The following CHCHD3 variants were observed in gnomAD, a reference collection of about 807,000 sequenced individuals.
The protein encoded by CHCHD3 is MICOS complex subunit MIC19.
A neutral mutation model predicts 38.2 loss-of-function variants in CHCHD3; 20 were observed. The observed-to-expected ratio is 0.52, with a 90% CI of 0.37 to 0.76. The LOEUF (loss-of-function observed/expected upper bound fraction) is 0.76, where lower values mean the gene tolerates loss of function less well. Ranked by LOEUF, CHCHD3 falls within the 30% of genes least tolerant of loss-of-function variation. The pLI is 0.00. For synonymous variants in CHCHD3, 82 were observed against 100.0 expected (o/e 0.82, Z 1.07); for missense variants, 245 against 279.2 (o/e 0.88, Z 0.87).
At chr7:133,046,746 G>A (rs549197370) in intron 2 of CHCHD3, among the ~76,000 whole-genome samples, 1 of 152,212 alleles carries the variant, frequency 6.6e-6, no homozygotes, top group African/African-American at 2.4e-5. Context: ...GTGTTTTTTA[G>A]TAGAGACAGG....
In CHCHD3 at chr7:132,796,490, G is replaced by A; in HGVS notation, c.612C>T (p.Cys204=). 10 of 1,613,936 alleles carry A rather than the reference G, an allele frequency of 6.2e-6. No homozygotes were observed. The highest frequency in any genetic ancestry group is 8.5e-6 in the Non-Finnish European group (10 of 1,179,896). Residue 204 remains cysteine, a synonymous_variant, in exon 7 of 8, where the codon TGC becomes TGT. Transcript: ENST00000262570. ...GCATATACTGGGTGGCCAGAGCGGAGCATTTGAGGGTCTGGTGGGTGTTCT... is the reference window on the plus strand; with the variant it reads ...GCATATACTGGGTGGCCAGAGCGGAACATTTGAGGGTCTGGTGGGTGTTCT... ...YRENTHQTLK[C]SALATQYMHC...
At chr7:132,844,966 G>A (rs1328779543) in intron 5 of CHCHD3, 1 of 152,184 alleles carries the variant, frequency 6.6e-6, no homozygotes, top group Non-Finnish European at 1.5e-5. Context: ...AAACTGTGTG[G>A]GGAGACTGAA....
At chr7:132,929,857 A>G (rs1562911512) in intron 4 of CHCHD3, among the ~76,000 whole-genome samples, 1 of 152,152 alleles carries the variant, frequency 6.6e-6, no homozygotes, top group Non-Finnish European at 1.5e-5. Context: ...TCAGCTTAAC[A>G]TATGAAAGTC....
At chr7:133,030,099 A>G (rs1448113406) in intron 2 of CHCHD3, among the ~76,000 whole-genome samples, 3 of 152,248 alleles carry the variant, frequency 2.0e-5, no homozygotes, top group Non-Finnish European at 4.4e-5. Context: ...AGAAGTTAAA[A>G]TAACAGAAAA....
chr7:132,924,167 G>GT (rs1810321481), intron 4 of CHCHD3, among the ~76,000 whole-genome samples: 1 of 152,168 alleles, frequency 6.6e-6, no homozygotes, highest in Non-Finnish European at 1.5e-5. Flanking sequence ...AGTCAGAAGG[G>GT]TAAGATTAGG....
chr7:133,075,724 G>A (rs542700247), intron 1 of CHCHD3, among the ~76,000 whole-genome samples: 4 of 152,172 alleles, frequency 2.6e-5, no homozygotes, highest in Non-Finnish European at 5.9e-5. Flanking sequence ...AATGGGGGTC[G>A]ATAGTACAAC....
chr7:132,970,757 C>T (rs1811592707), intron 4 of CHCHD3, among the ~76,000 whole-genome samples: 1 of 151,496 alleles, frequency 6.6e-6, no homozygotes, highest in South Asian at 2.1e-4. Context: ...TTCTTTTTAA[C>T]ATTTAGATTT....
At chr7:132,812,242 G>C (rs1807092069) in intron 6 of CHCHD3, among the ~76,000 whole-genome samples, 1 of 97,208 alleles carries the variant, frequency 1.0e-5, no homozygotes, top group Admixed American at 1.7e-4. Flanking sequence ...ATGGAGTCTT[G>C]CTGTAGCCCA....
intron 4 of CHCHD3, among the ~76,000 whole-genome samples, chr7:132,898,665 C>T (rs934344365): frequency 2.0e-5 from 3 of 152,352 alleles, no homozygotes; most frequent in Middle Eastern, 3.4e-3. Context: ...GGGTGGCGCT[C>T]GTCGAGGAGG....
In CHCHD3 at chr7:133,035,795, T is replaced by C. The variant is rs117880813; in HGVS notation, c.170-11168A>G. 13,410 of 1,613,042 alleles carry C rather than the reference T, an allele frequency of 8.3e-3. 728 individuals carry two copies. In the East Asian group the frequency reaches 0.14, roughly 17 times the overall value. Reference sequence around the variant, plus strand: ...GAAGAAATTCAGAGGTGCGGTTGGTTTGGCCAAAATGGAAGTGGGGTGGTG... The same window carrying C: ...GAAGAAATTCAGAGGTGCGGTTGGTCTGGCCAAAATGGAAGTGGGGTGGTG... On this transcript the variant is annotated intron_variant, in intron 2 of 7. Coordinates refer to ENST00000262570, the MANE Select transcript of CHCHD3 (RefSeq NM_017812.4). This position sits in a 1 kb window ranked among gnomAD's most constrained non-coding sequence, Gnocchi z 4.7.
chr7:133,059,293 G>A (rs531185489), intron 2 of CHCHD3, among the ~76,000 whole-genome samples: 1 of 152,104 alleles, frequency 6.6e-6, no homozygotes. Context: ...GAAGCCAGGG[G>A]TAACTTGGTT....
intron 6 of CHCHD3, among the ~76,000 whole-genome samples, chr7:132,810,210 T>C (rs951772248): frequency 2.0e-5 from 3 of 152,186 alleles, no homozygotes; most frequent in African/African-American, 7.2e-5. Flanking sequence ...TTTTCCTACT[T>C]AATATTCCAT....
At chr7:132,982,834 T>C (rs1443651373) in intron 3 of CHCHD3, among the ~76,000 whole-genome samples, 2 of 152,132 alleles carry the variant, frequency 1.3e-5, no homozygotes, top group Non-Finnish European at 2.9e-5. Context: ...TAGAACCACA[T>C]ATGTGCATTT....
chr7:132,811,610 T>G (rs898862199), intron 6 of CHCHD3, among the ~76,000 whole-genome samples: 1 of 152,226 alleles, frequency 6.6e-6, no homozygotes, highest in Non-Finnish European at 1.5e-5. Context: ...GAACTGCTCT[T>G]GCTAAAATCA....
intron 7 of CHCHD3, 146 bp downstream of exon 7, chr7:132,796,296 A>C: frequency 2.5e-6 from 2 of 800,488 alleles, no homozygotes; most frequent in Admixed American, 2.3e-5. Flanking sequence ...TGCCCTAATC[A>C]ACTCATTACA....
intron 3 of CHCHD3, among the ~76,000 whole-genome samples, chr7:132,977,749 T>C (rs1479153179): frequency 2.6e-5 from 4 of 152,232 alleles, no homozygotes; most frequent in Admixed American, 2.6e-4. Flanking sequence ...GTGTATCTAA[T>C]TTTAAAGTAC....
chr7:132,888,473 A>G (rs1809271144), intron 4 of CHCHD3, among the ~76,000 whole-genome samples: 1 of 151,920 alleles, frequency 6.6e-6, no homozygotes, highest in African/African-American at 2.4e-5. Flanking sequence ...AATTAAGTAT[A>G]CTAAAATTTA....
chr7:133,031,705 T>G (rs1813509682), intron 2 of CHCHD3, among the ~76,000 whole-genome samples: 1 of 152,150 alleles, frequency 6.6e-6, no homozygotes. Context: ...AGTCTATTAT[T>G]TTCATGTGCT....
At chr7:132,815,082 G>A (rs1807162861) in intron 6 of CHCHD3, among the ~76,000 whole-genome samples, 1 of 152,178 alleles carries the variant, frequency 6.6e-6, no homozygotes. Flanking sequence ...ATAAAGCAAT[G>A]AGAGCATTTT....
Sources: gnomAD v4.1 joint callset for allele counts (sites outside exome capture counted in the v4.1 genomes callset) on GRCh38, gnomAD v4.1.1 for gene constraint, Gnocchi (gnomAD v3.1) non-coding constraint, MANE v1.5 for transcripts, NCBI Gene and HGNC (gene_info 2026-07-23, HGNC 2026-07-21) for gene names.